Variants in OPA1 observed in about 807,000 individuals in gnomAD.
OPA1 encodes the protein dynamin-like GTPase OPA1, mitochondrial.
OPA1 carries 59 observed loss-of-function variants against 152.9 expected under a neutral mutation model. The ratio of observed to expected loss-of-function variants is 0.39; its 90% confidence interval spans 0.31 to 0.48. The LOEUF (loss-of-function observed/expected upper bound fraction) is 0.48, where lower values mean the gene tolerates loss of function less well. Ranked by LOEUF, OPA1 falls within the 20% of genes least tolerant of loss-of-function variation. The pLI is 0.96. For missense variants in OPA1, 1,008 were observed against 1,216.8 expected (o/e 0.83, Z 2.55); for synonymous variants, 400 against 389.9 (o/e 1.03, Z -0.31).
chr3:193,640,410 G>A (rs1389073540), intron 11 of OPA1, among the ~76,000 whole-genome samples: 2 of 152,330 alleles, frequency 1.3e-5, no homozygotes, highest in South Asian at 2.1e-4. Context: ...GCTCAGTGAG[G>A]TCACATGCTG....
At chr3:193,691,845 A>G (rs538998023) in intron 29 of OPA1, 1 of 468,764 alleles carries the variant, frequency 2.1e-6, no homozygotes, top group South Asian at 2.8e-5. Context: ...TAGATCCTCA[A>G]AGGGGTCAGT....
intron 1 of OPA1, among the ~76,000 whole-genome samples, chr3:193,601,867 G>T (rs1282980992): frequency 6.6e-6 from 1 of 152,092 alleles, no homozygotes; most frequent in Non-Finnish European, 1.5e-5. Context: ...GGGGTTTCAG[G>T]GTGACTCATT....
chr3:193,642,671 CA>C (rs750645591), intron 11 of OPA1, 93 bp from the exon 12 acceptor site: 41 of 911,118 alleles, frequency 4.5e-5, no homozygotes, highest in East Asian at 2.2e-4. Flanking sequence ...TGGATTTGTG[CA>C]ATGCAGTAGC....
chr3:193,697,304 T>C lies in OPA1; in HGVS notation c.*2704T>C, dbSNP rs1341464865. 2 of 152,244 alleles carry C rather than the reference T, an allele frequency of 1.3e-5. No homozygotes were observed. Among genetic ancestry groups the C allele is most frequent in the African/African-American group, 4.8e-5 (2 of 41,478 alleles). 9.4% of individuals were successfully genotyped at this position (152,244 alleles called of 1,614,324 possible). A position where few individuals can be genotyped will look rare whatever the true frequency, so the allele number is the denominator to read the frequency against. ...GGTCTATGTTATAGCTCTAGCAGTATGGAAATGTGCTTTAAAATATGCTTA... is the reference window on the plus strand; with the variant it reads ...GGTCTATGTTATAGCTCTAGCAGTACGGAAATGTGCTTTAAAATATGCTTA... On this transcript the variant is annotated 3_prime_UTR_variant, in exon 31 of 31. Transcript: ENST00000361510.
rs1401071412 is a variant in OPA1 at position 193,696,399 on chromosome 3, TC to T, written c.*1800del. On this transcript the variant is annotated 3_prime_UTR_variant, in exon 31 of 31. Coordinates refer to ENST00000361510, the MANE Select transcript of OPA1 (RefSeq NM_130837.3). The stretch of plus-strand genomic sequence containing the variant: ...GGAGATCTTCATTTCTTTGAGGAGA[TC>T]AGTATTGTAACGTATGTGAATAGAT... 6.6e-6 allele frequency: 1 copy of T among 152,182 alleles called. No individual in the cohort carries two copies. Among genetic ancestry groups the T allele is most frequent in the Non-Finnish European group, 1.5e-5 (1 of 68,040 alleles). 9.4% of individuals were successfully genotyped at this position (152,182 alleles called of 1,614,324 possible). A position where few individuals can be genotyped will look rare whatever the true frequency, so the allele number is the denominator to read the frequency against.
rs1257694738 is a variant in OPA1 at position 193,658,983 on chromosome 3, C to G, written c.2428C>G (p.Arg810Gly). The change falls in exon 24 of 31, where the codon CGT becomes GGT. Residue 810 changes from arginine (R) to glycine (G), a missense_variant. Arg to Gly is a moderately radical substitution (Grantham distance 125). This residue lies in a region of OPA1 where 229 missense variants were observed against 269.0 expected (regional missense o/e 0.85). Coordinates refer to ENST00000361510, the MANE Select transcript of OPA1 (RefSeq NM_130837.3). Reference protein sequence around the residue: ...IYFMEEALQARLKDTENAIEN... With the variant: ...IYFMEEALQAGLKDTENAIEN... ...TTTTATGGAAGAGGCTCTGCAGGCT[C>G]GTCTCAAGGATAGTAAGTGGAGACA... 1 of 1,611,000 alleles carries G rather than the reference C, an allele frequency of 6.2e-7. No individual in the cohort carries two copies. Among genetic ancestry groups the G allele is most frequent in the Non-Finnish European group, 8.5e-7 (1 of 1,177,226 alleles).
At chr3:193,683,645 A>G (rs1720504259) in intron 29 of OPA1, among the ~76,000 whole-genome samples, 2 of 152,162 alleles carry the variant, frequency 1.3e-5, no homozygotes, top group South Asian at 4.1e-4. Context: ...CACCACCCTG[A>G]TCAGTCAGCA....
At chr3:193,596,325 CCTTTCCTTTCCTTTT>C (rs1464816579) in intron 1 of OPA1, among the ~76,000 whole-genome samples, 1 of 121,688 alleles carries the variant, frequency 8.2e-6, no homozygotes, top group Non-Finnish European at 1.7e-5. Context: ...CCTTTCCTTT[CCTTTCCTTTCCTTTT>C]CTTTTCTTTT....
chr3:193,686,790 G>C (rs1490103822), intron 29 of OPA1, among the ~76,000 whole-genome samples: 1 of 152,190 alleles, frequency 6.6e-6, no homozygotes, highest in African/African-American at 2.4e-5. Context: ...ATCTCACTTA[G>C]AGGGTGTCTT....
chr3:193,693,433 A>T (rs1218967780), intron 30 of OPA1, among the ~76,000 whole-genome samples: 1 of 152,208 alleles, frequency 6.6e-6, no homozygotes, highest in East Asian at 1.9e-4. Flanking sequence ...TGAGGTCAGG[A>T]GTTGGAGACC....
At chr3:193,665,829 A>T (rs1716404519) in intron 27 of OPA1, among the ~76,000 whole-genome samples, 1 of 152,200 alleles carries the variant, frequency 6.6e-6, no homozygotes, top group Non-Finnish European at 1.5e-5. Context: ...TTCTGTAGAA[A>T]CTGCCTTCTG....
intron 6 of OPA1, among the ~76,000 whole-genome samples, 162 bp downstream of exon 6, chr3:193,619,098 G>A (rs186051489): frequency 7.2e-5 from 11 of 152,320 alleles, no homozygotes; most frequent in Middle Eastern, 3.4e-3. Context: ...AAGGTATTAC[G>A]TGGCAGTTCT....
At chr3:193,637,829 A>C in intron 10 of OPA1, 123 bp from the exon 11 acceptor site, 1 of 815,280 alleles carries the variant, frequency 1.2e-6, no homozygotes, top group Non-Finnish European at 2.1e-6. Flanking sequence ...ACGGATTTTA[A>C]AATATTTTTT....
intron 6 of OPA1, among the ~76,000 whole-genome samples, chr3:193,621,454 TC>T (rs376419008): frequency 2.9e-4 from 44 of 152,298 alleles, no homozygotes; most frequent in African/African-American, 9.9e-4. Flanking sequence ...ATACCGGTCT[TC>T]AAAAAGTCTA....
chr3:193,645,480 T>C, intron 16 of OPA1, 73 bp from the exon 17 acceptor site: 1 of 1,158,750 alleles, frequency 8.6e-7, no homozygotes, highest in Non-Finnish European at 1.3e-6. Context: ...TTTTGCTTTC[T>C]AAATTGTATA....
chr3:193,643,234 G>A, intron 13 of OPA1, 139 bp from the exon 14 acceptor site: 1 of 866,026 alleles, frequency 1.2e-6, no homozygotes, highest in Non-Finnish European at 1.9e-6. Context: ...TTTAGGATCA[G>A]AGAAAGAATA....
chr3:193,691,459 T>A (rs1173509186), intron 29 of OPA1: 3 of 151,826 alleles, frequency 2.0e-5, no homozygotes, highest in Non-Finnish European at 4.4e-5. Flanking sequence ...AAAGTACTTT[T>A]TTGTATGTAT....
chr3:193,643,256 A>AAT lies in OPA1; in HGVS notation c.1306-117_1306-116insAT, dbSNP rs1259560378. 536 of 893,908 alleles carry AAT rather than the reference A, an allele frequency of 6.0e-4. 7 individuals are homozygous for AAT. The South Asian group carries it at 7.6e-3, about 13-fold the overall frequency. The allele number at this position is 893,908 out of a possible 1,614,324, so 55.4% of individuals were successfully genotyped here. On this transcript the variant is annotated intron_variant, in intron 13 of 30. Coordinates refer to ENST00000361510, the MANE Select transcript of OPA1 (RefSeq NM_130837.3). ...TCAGAGAAAGAATACCATTTTTGTG[A>AAT]GCGTCTTATCTGAATGGATGAGATA...
intron 29 of OPA1, among the ~76,000 whole-genome samples, chr3:193,677,083 G>A (rs1385881936): frequency 6.6e-6 from 1 of 151,182 alleles, no homozygotes; most frequent in Non-Finnish European, 1.5e-5. Flanking sequence ...ACATGCTGCT[G>A]GTAATCAACA....
Sources: allele counts gnomAD v4.1 joint callset (sites outside exome capture counted in the v4.1 genomes callset), GRCh38; gene constraint gnomAD v4.1.1; regional missense constraint gnomAD v4.1.1; transcripts MANE v1.5; gene names NCBI Gene and HGNC (gene_info 2026-07-23, HGNC 2026-07-21).